Variants in INSL6 observed in about 807,000 individuals in gnomAD.
The protein encoded by INSL6 is insulin like 6, also known as insulin-like peptide INSL6.
INSL6 carries 16 observed loss-of-function variants against 9.4 expected under a neutral mutation model. That is an observed-to-expected ratio of 1.70 (90% confidence interval 1.15 to 2.59). The LOEUF (loss-of-function observed/expected upper bound fraction) is 2.59, where lower values mean the gene tolerates loss of function less well. Ranked by LOEUF, INSL6 falls within the 30% of genes most tolerant of loss-of-function variation. INSL6 has a pLI of 0.00. For synonymous variants in INSL6, 154 were observed against 96.9 expected (o/e 1.59, Z -3.46); for missense variants, 391 against 257.3 (o/e 1.52, Z -3.56).
chr9:5,142,391 A>G (rs992762922), intron 2 of INSL6, among the ~76,000 whole-genome samples: 2 of 152,226 alleles, frequency 1.3e-5, no homozygotes, highest in East Asian at 3.9e-4. Context: ...GATTTCTTTG[A>G]GCAGTTGTTT....
chr9:5,081,360 GC>G, the INSL6 span, among the ~76,000 whole-genome samples: 1 of 150,842 alleles, frequency 6.6e-6, no homozygotes, highest in East Asian at 1.9e-4. Context: ...TATTTGTTTT[GC>G]TTTGTTCTCT....
the INSL6 span, chr9:5,112,513 C>A: frequency 3.5e-6 from 2 of 568,952 alleles, no homozygotes; most frequent in Admixed American, 2.7e-5. Flanking sequence ...TGACCTTTTC[C>A]CCCCAGAGCA....
At chr9:5,076,496 C>A in the INSL6 span, among the ~76,000 whole-genome samples, 1 of 151,906 alleles carries the variant, frequency 6.6e-6, no homozygotes, top group South Asian at 2.1e-4. Context: ...CCTTTTTTGG[C>A]AATAAAGTAT....
chr9:5,093,782 C>T, the INSL6 span, among the ~76,000 whole-genome samples: 2 of 152,138 alleles, frequency 1.3e-5, no homozygotes, highest in African/African-American at 4.8e-5. Context: ...GGTTTACGAC[C>T]TCGATGTTGG....
chr9:5,128,736 C>T (rs929060794), intron 3 of INSL6, among the ~76,000 whole-genome samples: 3 of 151,790 alleles, frequency 2.0e-5, no homozygotes, highest in East Asian at 1.9e-4. Flanking sequence ...ATTGAGGCTT[C>T]GTAAAGTTTT....
chr9:5,087,720 G>A, the INSL6 span, among the ~76,000 whole-genome samples: 11 of 152,156 alleles, frequency 7.2e-5, no homozygotes, highest in Non-Finnish European at 7.4e-5. Flanking sequence ...AACATCAAAT[G>A]GTAACCACTG....
the INSL6 span, among the ~76,000 whole-genome samples, chr9:5,053,930 T>G: frequency 6.6e-6 from 1 of 152,006 alleles, no homozygotes; most frequent in Non-Finnish European, 1.5e-5. Context: ...TTAATGGTAC[T>G]TCAGAAATAA....
downstream of INSL6, among the ~76,000 whole-genome samples, chr9:5,123,385 C>T (rs1392488506): frequency 5.9e-5 from 9 of 151,926 alleles, no homozygotes; most frequent in Admixed American, 1.3e-4. Flanking sequence ...ATATAGCTCC[C>T]GCTTATAAGT....
At chr9:5,069,894 G>C in the INSL6 span, 1 of 1,448,948 alleles carries the variant, frequency 6.9e-7, no homozygotes, top group African/African-American at 1.4e-5. Flanking sequence ...AGTGTATTTT[G>C]AAGTGATATA....
At position 5,180,495 on chromosome 9, in the gene INSL6, G is replaced by A. The variant is rs1216433527; in HGVS notation, c.289+4819C>T. Among the ~76,000 whole-genome samples, 3 of 152,114 alleles carry A rather than the reference G, an allele frequency of 2.0e-5. No homozygotes were observed. In the South Asian group the frequency reaches 6.2e-4, roughly 32 times the overall value. On this transcript the variant is annotated intron_variant, in intron 1 of 1. Coordinates refer to ENST00000381641, the MANE Select transcript of INSL6 (RefSeq NM_007179.3). ...TTCTTTTTCCTAGCAAGGAATATTA[G>A]TATTAATACCCTGGGAAAGGAATGT...
At chr9:5,160,242 A>G (rs1392602531), downstream of INSL6, among the ~76,000 whole-genome samples, 1 of 152,002 alleles carries the variant, frequency 6.6e-6, no homozygotes, top group Non-Finnish European at 1.5e-5. Context: ...AAATTGAAAT[A>G]ATATCATGTA....
downstream of INSL6, among the ~76,000 whole-genome samples, chr9:5,161,549 C>G (rs984119848): frequency 1.3e-5 from 2 of 152,130 alleles, no homozygotes; most frequent in Non-Finnish European, 2.9e-5. Context: ...TCCCCTTTCA[C>G]TACTGTTATT....
chr9:5,089,865 T>G, the INSL6 span: 1 of 1,465,618 alleles, frequency 6.8e-7, no homozygotes, highest in Non-Finnish European at 9.0e-7. Context: ...ACAGTGCTGG[T>G]AAGCTGCCCA....
At chr9:5,011,994 C>T in the INSL6 span, among the ~76,000 whole-genome samples, 1 of 152,184 alleles carries the variant, frequency 6.6e-6, no homozygotes, top group African/African-American at 2.4e-5. Context: ...GAAATCTCTT[C>T]CCAGTTCTTT....
chr9:5,146,464 G>A (rs1586861553), intron 2 of INSL6, among the ~76,000 whole-genome samples: 1 of 152,218 alleles, frequency 6.6e-6, no homozygotes, highest in Admixed American at 6.5e-5. Flanking sequence ...CTGCTGCACT[G>A]GAAGTAGTGT....
At chr9:5,052,673 A>G in the INSL6 span, among the ~76,000 whole-genome samples, 914 of 152,196 alleles carry the variant, frequency 6.0e-3, 14 homozygotes, top group African/African-American at 0.021. Flanking sequence ...GCCTCTGGAA[A>G]CCACTTATCT....
chr9:5,166,837 T>A (rs1321061470), intron 1 of INSL6, among the ~76,000 whole-genome samples: 1 of 152,194 alleles, frequency 6.6e-6, no homozygotes, highest in Non-Finnish European at 1.5e-5. Flanking sequence ...AAGAACAATA[T>A]GAGATTTTAA....
downstream of INSL6, among the ~76,000 whole-genome samples, chr9:5,119,081 A>C (rs963154470): frequency 2.0e-5 from 3 of 152,162 alleles, no homozygotes; most frequent in Non-Finnish European, 4.4e-5. Context: ...TCATGTTTTA[A>C]ATATATGATT....
the INSL6 span, among the ~76,000 whole-genome samples, chr9:5,000,064 T>A: frequency 6.6e-6 from 1 of 152,204 alleles, no homozygotes; most frequent in African/African-American, 2.4e-5. Context: ...TCATTTCTTT[T>A]GTGAAATGCC....
Sources: allele counts gnomAD v4.1 joint callset (sites outside exome capture counted in the v4.1 genomes callset), GRCh38; gene constraint gnomAD v4.1.1; transcripts MANE v1.5; gene names NCBI Gene and HGNC (gene_info 2026-07-23, HGNC 2026-07-21).